Variants in CSMD3 observed in about 807,000 individuals in gnomAD.
The protein encoded by CSMD3 is CUB and sushi domain-containing protein 3.
CSMD3 carries 177 observed loss-of-function variants against 435.2 expected under a neutral mutation model. The ratio of observed to expected loss-of-function variants is 0.41; its 90% CI spans 0.36 to 0.46. The LOEUF is 0.46. Ranked by LOEUF, CSMD3 falls within the 20% of genes least tolerant of loss-of-function variation. CSMD3 has a pLI of 0.34. For missense variants in CSMD3, 4,265 were observed against 4,504.6 expected, an observed-to-expected ratio of 0.95 and a Z score of 1.52; for synonymous variants, 1,656 against 1,520.5, an observed-to-expected ratio of 1.09 and a Z score of -2.07.
chr8:112,392,975 C>T (rs777631993), intron 35 of CSMD3, among the ~76,000 whole-genome samples: 7 of 150,584 alleles, frequency 4.6e-5, no homozygotes, highest in Non-Finnish European at 8.8e-5. Flanking sequence ...AAGCAATCCT[C>T]CCACCTCAGC....
intron 3 of CSMD3, among the ~76,000 whole-genome samples, chr8:113,257,841 C>T (rs980312781): frequency 6.6e-6 from 1 of 152,008 alleles, no homozygotes; most frequent in African/African-American, 2.4e-5. Flanking sequence ...TTTAGTGAAA[C>T]ATGAGTCTTT....
At chr8:113,122,603 C>CAG (rs1043355350) in intron 4 of CSMD3, among the ~76,000 whole-genome samples, 2 of 151,482 alleles carry the variant, frequency 1.3e-5, no homozygotes, top group East Asian at 1.9e-4. Flanking sequence ...AAGAAGGAAT[C>CAG]AGAGAGAGAG....
At chr8:112,831,841 A>G (rs1394143369) in intron 11 of CSMD3, among the ~76,000 whole-genome samples, 1 of 152,134 alleles carries the variant, frequency 6.6e-6, no homozygotes, top group Admixed American at 6.5e-5. Context: ...TTTTTTGCCC[A>G]GGACCTTCTG....
At chr8:112,912,085 A>T (rs565793683) in intron 10 of CSMD3, among the ~76,000 whole-genome samples, 19 of 147,760 alleles carry the variant, frequency 1.3e-4, no homozygotes, top group South Asian at 1.1e-3. Context: ...AAGGAGTTTT[A>T]TATATATATA....
chr8:113,252,455 T>C (rs2093342967), intron 3 of CSMD3, among the ~76,000 whole-genome samples: 1 of 150,912 alleles, frequency 6.6e-6, no homozygotes, highest in South Asian at 2.1e-4. Context: ...TCAAATTTTA[T>C]GTATTTTTTT....
chr8:112,310,722 T>G (rs945391205), intron 50 of CSMD3: 25 of 535,190 alleles, frequency 4.7e-5, no homozygotes, highest in Non-Finnish European at 8.1e-5. Context: ...GGAGGATGTA[T>G]GAATAAAGTA....
chr8:112,521,746 T>C (rs1432600169), intron 27 of CSMD3, among the ~76,000 whole-genome samples: 1 of 151,918 alleles, frequency 6.6e-6, no homozygotes, highest in Non-Finnish European at 1.5e-5. Context: ...TACTTAGATA[T>C]CTGGTAGGTT....
chr8:112,556,812 G>A lies in CSMD3; in HGVS notation c.4185C>T (p.Cys1395=), dbSNP rs761676277. 31 of 1,612,338 alleles carry A rather than the reference G, an allele frequency of 1.9e-5. No homozygotes were observed. The Admixed American group carries it at 5.2e-4, about 27-fold the overall frequency. ...YTLHGSSLLK[C]MTGERRAWDY... is the part of the protein sequence containing the mutation. ...CCCATGCCCTTCTCTCCCCTGTCAT[G>A]CACTTGAGAAGGCTACTTCCGTGGA... The change falls in exon 25 of 71, where the codon TGC becomes TGT. Residue 1395 remains cysteine (C), a synonymous_variant. Transcript: ENST00000297405.
chr8:112,961,610 G>C (rs975356525), intron 7 of CSMD3, among the ~76,000 whole-genome samples: 1 of 151,884 alleles, frequency 6.6e-6, no homozygotes, highest in Admixed American at 6.6e-5. Flanking sequence ...GAACAGAGTG[G>C]TGAGTATGGA....
intron 31 of CSMD3, among the ~76,000 whole-genome samples, chr8:112,479,608 T>C (rs968967321): frequency 6.6e-6 from 1 of 152,102 alleles, no homozygotes; most frequent in Non-Finnish European, 1.5e-5. Flanking sequence ...CACTCTGGCT[T>C]CAGCCTTGGC....
intron 1 of CSMD3, among the ~76,000 whole-genome samples, chr8:113,407,601 TA>T (rs1420794377): frequency 1.3e-5 from 2 of 151,840 alleles, no homozygotes; most frequent in East Asian, 1.9e-4. Context: ...TGTATGAGGT[TA>T]GGGGGGTTGC....
At chr8:112,890,719 T>C (rs879322007) in intron 10 of CSMD3, among the ~76,000 whole-genome samples, 1 of 151,724 alleles carries the variant, frequency 6.6e-6, no homozygotes, top group Non-Finnish European at 1.5e-5. Flanking sequence ...CTTTCATAGA[T>C]GCTCACTAAA....
At chr8:112,296,138 T>C in intron 53 of CSMD3, 132 bp from the exon 54 acceptor site, 1 of 721,380 alleles carries the variant, frequency 1.4e-6, no homozygotes, top group Non-Finnish European at 2.4e-6. Flanking sequence ...ATTATAACTA[T>C]ATGACATAAA....
At chr8:113,064,468 G>GT (rs920756990) in intron 5 of CSMD3, among the ~76,000 whole-genome samples, 1 of 152,036 alleles carries the variant, frequency 6.6e-6, no homozygotes, top group African/African-American at 2.4e-5. Flanking sequence ...AAAACTTGGG[G>GT]TTTTTTAAAA....
At chr8:113,416,785 T>C (rs1588689982) in intron 1 of CSMD3, among the ~76,000 whole-genome samples, 1 of 152,242 alleles carries the variant, frequency 6.6e-6, no homozygotes, top group South Asian at 2.1e-4. Flanking sequence ...AAGACTACTT[T>C]TATGGCAAAA....
intron 7 of CSMD3, among the ~76,000 whole-genome samples, chr8:112,974,074 G>A (rs766512365): frequency 3.3e-5 from 5 of 151,862 alleles, no homozygotes; most frequent in Non-Finnish European, 7.4e-5. Flanking sequence ...CTCTCAAACA[G>A]CACTGGGAGC....
rs546620654 is a variant in CSMD3 at position 112,742,628 on chromosome 8, T to C, written c.1973-52578A>G. Reference sequence around the variant, plus strand: ...ATTTAAGAATCACATATAAAGACAGTTGTGTGATTTTGCTCTGCCCAAATT... The same window carrying C: ...ATTTAAGAATCACATATAAAGACAGCTGTGTGATTTTGCTCTGCCCAAATT... On this transcript the variant is annotated intron_variant, in intron 13 of 70. Transcript: ENST00000297405. 3.3e-5 allele frequency among the ~76,000 whole-genome samples: 5 copies of C among 151,970 alleles called. No homozygotes were observed. The South Asian group carries it at 1.0e-3, about 32-fold the overall frequency.
chr8:113,294,710 T>A (rs920188989), intron 2 of CSMD3, among the ~76,000 whole-genome samples: 1 of 152,120 alleles, frequency 6.6e-6, no homozygotes, highest in African/African-American at 2.4e-5. Flanking sequence ...AGAGGAACTA[T>A]AGTAGCCCAT....
At chr8:112,546,508 C>G (rs752733124) in intron 27 of CSMD3, among the ~76,000 whole-genome samples, 1 of 152,072 alleles carries the variant, frequency 6.6e-6, no homozygotes, top group Non-Finnish European at 1.5e-5. Context: ...GTATTAGCTA[C>G]GGGCCTCAGC....
Sources: gnomAD v4.1 joint callset for allele counts (sites outside exome capture counted in the v4.1 genomes callset) on GRCh38, gnomAD v4.1.1 for gene constraint, MANE v1.5 for transcripts, NCBI Gene and HGNC (gene_info 2026-07-23, HGNC 2026-07-21) for gene names.